Variants in RAB11A observed in about 807,000 individuals in gnomAD.
RAB11A encodes ras-related protein Rab-11A.
RAB11A carries 9 observed loss-of-function variants against 28.0 expected under a neutral mutation model. The ratio of observed to expected loss-of-function variants is 0.32; its 90% confidence interval spans 0.19 to 0.56. The LOEUF (loss-of-function observed/expected upper bound fraction) is 0.56, where lower values mean the gene tolerates loss of function less well. Ranked by LOEUF, RAB11A falls within the 20% of genes least tolerant of loss-of-function variation. The pLI is 0.91. For synonymous variants in RAB11A, 85 were observed against 88.2 expected (o/e 0.96, Z 0.20); for missense variants, 108 against 269.6 (o/e 0.40, Z 4.20).
chr15:65,879,349 T>C (rs1161837444), intron 3 of RAB11A, among the ~76,000 whole-genome samples: 1 of 152,044 alleles, frequency 6.6e-6, no homozygotes, highest in Non-Finnish European at 1.5e-5. Context: ...AGTGTAAATA[T>C]TAAAGTGTAA....
At chr15:65,884,431 A>C (rs1013025909) in intron 4 of RAB11A, among the ~76,000 whole-genome samples, 2 of 152,180 alleles carry the variant, frequency 1.3e-5, no homozygotes, top group African/African-American at 4.8e-5. Flanking sequence ...TTGAAGATTA[A>C]ATTAGGGGAA....
intron 4 of RAB11A, among the ~76,000 whole-genome samples, chr15:65,883,679 C>T (rs568795343): frequency 2.6e-5 from 4 of 152,100 alleles, no homozygotes; most frequent in Middle Eastern, 3.4e-3. Context: ...CTCAGCCTCC[C>T]GGGTAGCTGG....
intron 1 of RAB11A, among the ~76,000 whole-genome samples, chr15:65,872,726 GCCTGGCCAGATTTCT>G (rs2078170391): frequency 6.6e-6 from 1 of 152,166 alleles, no homozygotes; most frequent in African/African-American, 2.4e-5. Flanking sequence ...GAGCCACCGT[GCCTGGCCAGATTTCT>G]ACTTTTTTAA....
In RAB11A at chr15:65,877,082, G is replaced by A. The variant is rs1379809893; in HGVS notation, c.41-250G>A. ...ATGTTTAAGACAGGGTACCGTATCT[G>A]TGCTAAGCAGATGATATGTGGAAGT... On this transcript the variant is annotated intron_variant, in intron 1 of 4. Transcript: ENST00000261890. The surrounding 1 kb of genome is among the most constrained non-coding windows in gnomAD (Gnocchi z 4.1). 6.6e-6 allele frequency among the ~76,000 whole-genome samples: 1 copy of A among 152,230 alleles called. No individual in the cohort carries two copies. Among genetic ancestry groups the A allele is most frequent in the Non-Finnish European group, 1.5e-5 (1 of 68,034 alleles).
chr15:65,869,814 C>T (rs1041263420), intron 1 of RAB11A, among the ~76,000 whole-genome samples, 189 bp downstream of exon 1: 1 of 152,194 alleles, frequency 6.6e-6, no homozygotes, highest in African/African-American at 2.4e-5. Context: ...CATCACATGC[C>T]GCTCTCTGAG....
At chr15:65,875,844 T>G (rs2078188586) in intron 1 of RAB11A, among the ~76,000 whole-genome samples, 1 of 152,214 alleles carries the variant, frequency 6.6e-6, no homozygotes, top group Non-Finnish European at 1.5e-5. Flanking sequence ...ACCATCCCAG[T>G]CTCTTTAGTA....
At position 65,877,662 on chromosome 15, in the gene RAB11A, A is replaced by T. The variant is rs899829126; in HGVS notation, c.237-100A>T. On this transcript the variant is annotated intron_variant, in intron 2 of 4. Transcript: ENST00000261890. This position sits in a 1 kb window ranked among gnomAD's most constrained non-coding sequence, Gnocchi z 4.1. The stretch of plus-strand genomic sequence containing the variant: ...ATTAGGAATCCTTAGAAATTTATTT[A>T]TAAGTATGTTTTTAAAACTCATGAT... 1 of 1,327,136 alleles carries T rather than the reference A, an allele frequency of 7.5e-7. No individual in the cohort carries two copies. The highest frequency in any genetic ancestry group is 2.4e-5 in the East Asian group (1 of 41,040). The allele number at this position is 1,327,136 out of a possible 1,614,324, so 82.2% of individuals were successfully genotyped here.
rs895274723 is a variant in RAB11A, at chr15:65,889,586, T to A, written c.*1746T>A. ...GGGAGCATCAGTGTGTGAATTCAGC[T>A]TTGATTTTAGAACTGCAGTTCAATT... On this transcript the variant is annotated 3_prime_UTR_variant, in exon 5 of 5. Transcript: ENST00000261890. 1 of 152,176 alleles carries A rather than the reference T, an allele frequency of 6.6e-6. No individual in the cohort carries two copies. Among genetic ancestry groups the A allele is most frequent in the African/African-American group, 2.4e-5 (1 of 41,440 alleles). The allele number at this position is 152,176 out of a possible 1,614,324, so 9.4% of individuals were successfully genotyped here.
intron 4 of RAB11A, among the ~76,000 whole-genome samples, chr15:65,886,990 T>G (rs2078259596): frequency 6.6e-6 from 1 of 152,218 alleles, no homozygotes; most frequent in South Asian, 2.1e-4. Context: ...AGCATGTTTG[T>G]TAAGATGTAC....
At chr15:65,876,116 T>G (rs2078189978) in intron 1 of RAB11A, among the ~76,000 whole-genome samples, 1 of 152,226 alleles carries the variant, frequency 6.6e-6, no homozygotes, top group East Asian at 1.9e-4. Flanking sequence ...TTCTCCATTG[T>G]TTTTGAAATT....
At chr15:65,884,846 T>C (rs745534494) in intron 4 of RAB11A, among the ~76,000 whole-genome samples, 3 of 151,614 alleles carry the variant, frequency 2.0e-5, no homozygotes, top group African/African-American at 7.2e-5. Context: ...GGTTATTTCA[T>C]TGGGAGTTTT....
chr15:65,888,815 G>A lies in RAB11A; in HGVS notation c.*975G>A, dbSNP rs2078269544. 2 of 152,468 alleles carry A rather than the reference G, an allele frequency of 1.3e-5. No homozygotes were observed. The highest frequency in any genetic ancestry group is 4.8e-5 in the African/African-American group (2 of 41,404). 9.4% of individuals were successfully genotyped at this position (152,468 alleles called of 1,614,324 possible). ...TTAACAATGCTAATATTTGAGTTTT[G>A]CAGTATATTATAGAATATAGTCCAG... On this transcript the variant is annotated 3_prime_UTR_variant, in exon 5 of 5. Coordinates refer to ENST00000261890, the MANE Select transcript of RAB11A (RefSeq NM_004663.5).
At chr15:65,881,904 C>CAA (rs2078225552) in intron 4 of RAB11A, among the ~76,000 whole-genome samples, 3 of 118,536 alleles carry the variant, frequency 2.5e-5, no homozygotes, top group African/African-American at 9.5e-5. Flanking sequence ...AAAAAAAACA[C>CAA]AAAAAAATTA....
At chr15:65,878,366 G>A (rs1449550444) in intron 3 of RAB11A, among the ~76,000 whole-genome samples, 1 of 152,194 alleles carries the variant, frequency 6.6e-6, no homozygotes, top group African/African-American at 2.4e-5. Context: ...CATGCCAGAA[G>A]ACAACATTGT....
At chr15:65,875,788 A>G (rs924749805) in intron 1 of RAB11A, among the ~76,000 whole-genome samples, 9 of 152,252 alleles carry the variant, frequency 5.9e-5, no homozygotes, top group African/African-American at 2.2e-4. Flanking sequence ...CCCTCTGACC[A>G]GAATGCAGTG....
At position 65,872,137 on chromosome 15, in the gene RAB11A, A is replaced by G. The variant is rs139551686; in HGVS notation, c.40+2512A>G. Among the ~76,000 whole-genome samples the G allele has an allele frequency of 7.3e-4, 110 of 151,072 alleles. 1 individual carries two copies. The East Asian group carries it at 0.01, about 14-fold the overall frequency. On this transcript the variant is annotated intron_variant, in intron 1 of 4. Transcript: ENST00000261890. ...CCCGGCTAGTTTTTTGTTTTTTTGT[A>G]AAGACAGGGTTTTGCCATGTTGCCC...
intron 1 of RAB11A, among the ~76,000 whole-genome samples, chr15:65,870,868 T>G (rs2078156197): frequency 6.7e-6 from 1 of 150,308 alleles, no homozygotes; most frequent in African/African-American, 2.4e-5. Flanking sequence ...GGAATCCGGT[T>G]TTTTTTTTTA....
At chr15:65,871,970 C>A (rs182780529) in intron 1 of RAB11A, among the ~76,000 whole-genome samples, 465 of 122,698 alleles carry the variant, frequency 3.8e-3, no homozygotes, top group Middle Eastern at 0.017. Context: ...CTCGCTCTGT[C>A]CCCCAGGCTG....
chr15:65,869,516 C>G lies in RAB11A; in HGVS notation c.-70C>G. ...AGTTGAAGCTCGGCGCTCGGGTTACCCCTGCAGCGACGCCCCCTGGTCCCA... is the reference window on the plus strand; with the variant it reads ...AGTTGAAGCTCGGCGCTCGGGTTACGCCTGCAGCGACGCCCCCTGGTCCCA... On this transcript the variant is annotated 5_prime_UTR_variant, in exon 1 of 5. Transcript: ENST00000261890. 12 of 1,580,298 alleles carry G rather than the reference C, an allele frequency of 7.6e-6. No homozygotes were observed. In the Admixed American group the frequency reaches 1.4e-4, roughly 18 times the overall value.
Sources: gnomAD v4.1 joint callset for allele counts (sites outside exome capture counted in the v4.1 genomes callset) on GRCh38, gnomAD v4.1.1 for gene constraint, Gnocchi (gnomAD v3.1) non-coding constraint, MANE v1.5 for transcripts, NCBI Gene and HGNC (gene_info 2026-07-23, HGNC 2026-07-21) for gene names.